The following DMD variants were observed in gnomAD, a reference collection of about 807,000 sequenced individuals.
DMD encodes the protein dystrophin.
A neutral mutation model predicts 330.1 loss-of-function variants in DMD; 63 were observed. That is an observed-to-expected ratio of 0.19 (90% CI 0.16 to 0.24). DMD has a LOEUF of 0.24. Among genes scored for constraint, DMD ranks in the 10% least tolerant of loss-of-function variants. DMD has a pLI of 1.00. For synonymous variants in DMD, 1,223 were observed against 959.8 expected, an observed-to-expected ratio of 1.27 and a Z score of -5.07; for missense variants, 3,344 against 2,684.1, an observed-to-expected ratio of 1.25 and a Z score of -5.43.
rs143770873 is a variant in DMD, at chrX:32,808,189, G to A, written c.649+1304C>T. On this transcript the variant is annotated intron_variant, in intron 7 of 78. Transcript: ENST00000357033. ...AAACAGGGGTAGGAGGGATACTATCGTGTATAGAAGCAATAAAAAGGGGTT... is the reference window on the plus strand; with the variant it reads ...AAACAGGGGTAGGAGGGATACTATCATGTATAGAAGCAATAAAAAGGGGTT... Among the ~76,000 whole-genome samples, 81 of 111,527 alleles carry A rather than the reference G, an allele frequency of 7.3e-4. No individual in the cohort carries two copies. The East Asian group carries it at 0.019, about 26-fold the overall frequency.
chrX:32,950,560 A>G (rs1185447496), intron 2 of DMD, among the ~76,000 whole-genome samples: 1 of 111,350 alleles, frequency 9.0e-6, no homozygotes, highest in East Asian at 2.9e-4. Flanking sequence ...ACCATAGCAG[A>G]GAAGGCAAAT....
intron 1 of DMD, among the ~76,000 whole-genome samples, chrX:33,121,055 C>G (rs1039530127): frequency 9.1e-6 from 1 of 109,717 alleles, no homozygotes; most frequent in Non-Finnish European, 1.9e-5. Context: ...TCTGGGCCCA[C>G]TTAAATGTAT....
chrX:32,587,878 T>C (rs1437701392), intron 13 of DMD, among the ~76,000 whole-genome samples: 2 of 111,618 alleles, frequency 1.8e-5, no homozygotes, highest in African/African-American at 3.3e-5. Context: ...CAACTACCCT[T>C]TTACCCTTTA....
intron 2 of DMD, among the ~76,000 whole-genome samples, chrX:32,858,001 G>GA (rs57239893): frequency 0.2 from 22,347 of 110,008 alleles, 1,749 homozygotes; most frequent in East Asian, 0.39. Flanking sequence ...CCGAGAGAGA[G>GA]AAAGCAGTGA....
chrX:32,652,816 C>G (rs1238308592), intron 9 of DMD, among the ~76,000 whole-genome samples: 1 of 111,730 alleles, frequency 9.0e-6, no homozygotes. Context: ...ACATCCTCTC[C>G]AGCACCTGTT....
At chrX:31,227,910 T>C (rs1331911260) in intron 63 of DMD, among the ~76,000 whole-genome samples, 5 of 109,876 alleles carry the variant, frequency 4.6e-5, no homozygotes, top group African/African-American at 1.0e-4. Context: ...ATATACACCA[T>C]GGAATACTAT....
intron 1 of DMD, among the ~76,000 whole-genome samples, chrX:33,221,698 C>A (rs2052182741): frequency 9.2e-6 from 1 of 109,089 alleles, no homozygotes; most frequent in South Asian, 3.9e-4. Flanking sequence ...TACTACAGGC[C>A]TGGAAAATAC....
At chrX:32,110,617 A>T (rs751374806) in intron 44 of DMD, among the ~76,000 whole-genome samples, 177 of 111,608 alleles carry the variant, frequency 1.6e-3, no homozygotes, top group South Asian at 7.1e-3. Context: ...CCCAGGTAAT[A>T]GCATTTATAG....
At chrX:32,730,334 A>C (rs1185625115) in intron 7 of DMD, among the ~76,000 whole-genome samples, 6 of 112,343 alleles carry the variant, frequency 5.3e-5, no homozygotes, top group Admixed American at 2.8e-4. Context: ...CAAAAGAGTA[A>C]TATCTTGTCT....
At chrX:31,379,432 T>C (rs2060046934) in intron 60 of DMD, among the ~76,000 whole-genome samples, 1 of 111,536 alleles carries the variant, frequency 9.0e-6, no homozygotes, top group Non-Finnish European at 1.9e-5. Context: ...GCCCAGTTCA[T>C]GGCTCGTTTG....
intron 42 of DMD, among the ~76,000 whole-genome samples, chrX:32,289,872 G>A (rs1476199314): frequency 8.9e-6 from 1 of 111,734 alleles, no homozygotes; most frequent in Admixed American, 9.5e-5. Flanking sequence ...ATAACTACAA[G>A]TATCCTGAGT....
intron 20 of DMD, among the ~76,000 whole-genome samples, 186 bp from the exon 21 acceptor site, chrX:32,485,285 C>A (rs1182506035): frequency 9.0e-6 from 1 of 111,472 alleles, no homozygotes; most frequent in Non-Finnish European, 1.9e-5. Context: ...GATACCTTGG[C>A]TCTTTGTTCA....
chrX:31,366,785 ATC>A (rs1219661402), intron 60 of DMD, among the ~76,000 whole-genome samples: 3 of 108,517 alleles, frequency 2.8e-5, no homozygotes, highest in Non-Finnish European at 5.7e-5. Context: ...GTCCTTTTGT[ATC>A]TTTTTTTTTA....
intron 60 of DMD, among the ~76,000 whole-genome samples, chrX:31,361,444 A>G (rs922783505): frequency 9.0e-6 from 1 of 111,166 alleles, no homozygotes; most frequent in Non-Finnish European, 1.9e-5. Flanking sequence ...AGCTGAGACG[A>G]ATTAGAGACT....
In DMD at chrX:33,223,262, G is replaced by T. The variant is rs527874801; in HGVS notation, c.7+115997C>A. On this transcript the variant is annotated intron_variant, in intron 1 of 17. Transcript: ENST00000288447. The stretch of plus-strand genomic sequence containing the variant: ...GGAGGCGGAGATTGCAGTGAGCCGA[G>T]ATCATGCCATTGCACTCCAGCCTGG... 2.2e-4 allele frequency among the ~76,000 whole-genome samples: 25 copies of T among 112,118 alleles called. 1 individual carries two copies. In the South Asian group the frequency reaches 9.3e-3, roughly 42 times the overall value.
chrX:31,627,142 A>C (rs754884086), intron 55 of DMD, among the ~76,000 whole-genome samples: 2 of 112,544 alleles, frequency 1.8e-5, no homozygotes, highest in Non-Finnish European at 3.7e-5. Flanking sequence ...ATTGTCTGAA[A>C]ATTGTTTGAT....
intron 30 of DMD, among the ~76,000 whole-genome samples, chrX:32,404,538 T>C (rs2098106623): frequency 9.0e-6 from 1 of 111,536 alleles, no homozygotes; most frequent in African/African-American, 3.3e-5. Context: ...GCAACTCCGC[T>C]CTTGCTTGCA....
intron 55 of DMD, among the ~76,000 whole-genome samples, chrX:31,552,371 C>G (rs1465578484): frequency 9.0e-6 from 1 of 111,024 alleles, no homozygotes; most frequent in Non-Finnish European, 1.9e-5. Context: ...TGAAGTCCCA[C>G]TAGATTGCTA....
At chrX:32,432,299 C>T (rs2098241659) in intron 29 of DMD, among the ~76,000 whole-genome samples, 1 of 111,605 alleles carries the variant, frequency 9.0e-6, no homozygotes, top group Non-Finnish European at 1.9e-5. Flanking sequence ...TCTTTTCCAT[C>T]AAATGACTTA....
Sources: allele counts gnomAD v4.1 joint callset (sites outside exome capture counted in the v4.1 genomes callset), GRCh38; gene constraint gnomAD v4.1.1; transcripts MANE v1.5; gene names NCBI Gene and HGNC (gene_info 2026-07-23, HGNC 2026-07-21).